AKAP13: variants seen among roughly 807,000 people sequenced by gnomAD.
The protein encoded by AKAP13 is A-kinase anchoring protein 13.
In AKAP13, 80 loss-of-function variants were observed where a neutral mutation model predicts 264.5. The ratio of observed to expected loss-of-function variants is 0.30; its 90% CI spans 0.25 to 0.36. The LOEUF (loss-of-function observed/expected upper bound fraction) is 0.36. Among genes scored for constraint, AKAP13 ranks in the 10% least tolerant of loss-of-function variants. AKAP13 has a pLI of 1.00. For missense variants in AKAP13, 3,712 were observed against 3,435.2 expected (o/e 1.08, Z -2.01); for synonymous variants, 1,380 against 1,250.2 (o/e 1.10, Z -2.19).
chr15:85,490,903 G>A (rs35406378), intron 2 of AKAP13, among the ~76,000 whole-genome samples: 16,082 of 152,152 alleles, frequency 0.11, 1,270 homozygotes, highest in South Asian at 0.33. Flanking sequence ...ACCAGGGGCT[G>A]TTTTATCTTG....
At chr15:85,526,879 G>GT (rs2077065736) in intron 3 of AKAP13, among the ~76,000 whole-genome samples, 1 of 151,860 alleles carries the variant, frequency 6.6e-6, no homozygotes, top group Non-Finnish European at 1.5e-5. Context: ...AGTACATATA[G>GT]TGGTTATACT....
At chr15:85,647,614 C>A (rs1439501181) in intron 10 of AKAP13, among the ~76,000 whole-genome samples, 2 of 151,994 alleles carry the variant, frequency 1.3e-5, no homozygotes, top group Non-Finnish European at 2.9e-5. Context: ...ATCATTGTCA[C>A]TCATAGTGAC....
intron 2 of AKAP13, among the ~76,000 whole-genome samples, chr15:85,501,851 A>G (rs1024477337): frequency 2.0e-4 from 30 of 152,046 alleles, no homozygotes; most frequent in Non-Finnish European, 2.2e-4. Flanking sequence ...GAAGCGGGCT[A>G]TTGCCTAGGA....
At chr15:85,439,936 A>G (rs1052572792) in intron 1 of AKAP13, among the ~76,000 whole-genome samples, 2 of 151,410 alleles carry the variant, frequency 1.3e-5, no homozygotes, top group African/African-American at 2.4e-5. Flanking sequence ...TAACCTGCAC[A>G]ATATGCACAT....
At chr15:85,668,239 G>C (rs2083714711) in intron 13 of AKAP13, among the ~76,000 whole-genome samples, 1 of 152,168 alleles carries the variant, frequency 6.6e-6, no homozygotes, top group African/African-American at 2.4e-5. Context: ...TCAGAAGTCT[G>C]GCCTAAGTGA....
intron 3 of AKAP13, among the ~76,000 whole-genome samples, chr15:85,527,877 C>A (rs544386801): frequency 6.6e-6 from 1 of 152,120 alleles, no homozygotes; most frequent in Non-Finnish European, 1.5e-5. Flanking sequence ...GACTTTGATG[C>A]GAAACTGAAG....
intron 4 of AKAP13, among the ~76,000 whole-genome samples, chr15:85,541,361 A>G (rs2077575990): frequency 6.6e-6 from 1 of 152,230 alleles, no homozygotes; most frequent in South Asian, 2.1e-4. Context: ...GCAAATATAG[A>G]AAAACATTAA....
intron 8 of AKAP13, among the ~76,000 whole-genome samples, chr15:85,592,720 C>T (rs2079637045): frequency 6.6e-6 from 1 of 152,060 alleles, no homozygotes; most frequent in African/African-American, 2.4e-5. Flanking sequence ...CTCTGTATCT[C>T]CTCTGAAATG....
intron 30 of AKAP13, among the ~76,000 whole-genome samples, 184 bp from the exon 31 acceptor site, chr15:85,734,808 T>C (rs2088320145): frequency 1.3e-5 from 2 of 152,202 alleles, no homozygotes; most frequent in South Asian, 4.1e-4. Context: ...CATCTCTAAA[T>C]TTCTAGTAGA....
At chr15:85,628,388 TAAG>T (rs1383206726) in intron 8 of AKAP13, among the ~76,000 whole-genome samples, 1 of 152,174 alleles carries the variant, frequency 6.6e-6, no homozygotes, top group African/African-American at 2.4e-5. Flanking sequence ...AAGATAGTGT[TAAG>T]AAGCCGCCTT....
intron 8 of AKAP13, among the ~76,000 whole-genome samples, chr15:85,636,815 A>G (rs936722089): frequency 4.5e-4 from 69 of 152,056 alleles, no homozygotes; most frequent in Admixed American, 3.4e-3. Flanking sequence ...TGGTTTCACC[A>G]TGTTGGCCAG....
intron 2 of AKAP13, among the ~76,000 whole-genome samples, chr15:85,490,588 G>A (rs753577616): frequency 2.6e-5 from 4 of 152,190 alleles, no homozygotes; most frequent in Non-Finnish European, 5.9e-5. Flanking sequence ...AGTCAAGAAA[G>A]GAGTTCCAGA....
chr15:85,621,893 G>T lies in AKAP13; in HGVS notation c.4162-17481G>T, dbSNP rs979991739. On this transcript the variant is annotated intron_variant, in intron 8 of 36. Coordinates refer to ENST00000394518, the MANE Select transcript of AKAP13 (RefSeq NM_007200.5). The stretch of plus-strand genomic sequence containing the variant: ...TAAAGGTGTTTGTCTTTGTGTATTT[G>T]TACTATCCTGCCCAATAAATAATAA... 2.0e-5 allele frequency among the ~76,000 whole-genome samples: 3 copies of T among 152,170 alleles called. No homozygotes were observed. In the East Asian group the frequency reaches 5.8e-4, roughly 29 times the overall value.
chr15:85,730,757 T>C (rs760910695), intron 30 of AKAP13, 50 bp downstream of exon 30: 3 of 1,501,464 alleles, frequency 2.0e-6, no homozygotes, highest in Non-Finnish European at 2.7e-6. Context: ...CAGAGTGGTT[T>C]ACACACTAAT....
chr15:85,547,444 T>TTGC (rs546952307), intron 5 of AKAP13, among the ~76,000 whole-genome samples: 96 of 152,338 alleles, frequency 6.3e-4, no homozygotes, highest in African/African-American at 2.2e-3. Flanking sequence ...AAAATTATGA[T>TTGC]TAGCCATTCT....
At chr15:85,618,910 C>T (rs1378744941) in intron 8 of AKAP13, among the ~76,000 whole-genome samples, 4 of 152,140 alleles carry the variant, frequency 2.6e-5, no homozygotes, top group African/African-American at 9.7e-5. Flanking sequence ...CGTCTCGATC[C>T]TAGAGACATA....
At chr15:85,617,948 C>T (rs2081014136) in intron 8 of AKAP13, among the ~76,000 whole-genome samples, 2 of 152,108 alleles carry the variant, frequency 1.3e-5, no homozygotes, top group African/African-American at 2.4e-5. Flanking sequence ...GTTTTGTAGC[C>T]TCATTTGTAA....
chr15:85,456,752 G>A (rs1001918123), intron 1 of AKAP13, among the ~76,000 whole-genome samples: 3 of 152,122 alleles, frequency 2.0e-5, no homozygotes, highest in Middle Eastern at 6.8e-3. Flanking sequence ...GGGTTTCACC[G>A]TGTTAGCCAG....
chr15:85,599,125 A>G (rs2079944416), intron 8 of AKAP13, among the ~76,000 whole-genome samples: 1 of 152,116 alleles, frequency 6.6e-6, no homozygotes, highest in Non-Finnish European at 1.5e-5. Flanking sequence ...TATCTGCTTC[A>G]CATCAAGCTC....
Sources: allele counts gnomAD v4.1 joint callset (sites outside exome capture counted in the v4.1 genomes callset), GRCh38; gene constraint gnomAD v4.1.1; transcripts MANE v1.5; gene names NCBI Gene and HGNC (gene_info 2026-07-23, HGNC 2026-07-21).